The following DNAH14 variants were observed in gnomAD, a reference collection of about 807,000 sequenced individuals.
DNAH14 encodes the protein dynein axonemal heavy chain 14.
Under a neutral mutation model 520.9 loss-of-function variants are expected in DNAH14, and 478 were observed. The observed-to-expected ratio is 0.92, with a 90% CI of 0.85 to 0.99. The LOEUF (loss-of-function observed/expected upper bound fraction) is 0.99, where lower values mean the gene tolerates loss of function less well. Ranked by LOEUF, DNAH14 falls within the 50% of genes least tolerant of loss-of-function variation. DNAH14 has a pLI of 0.00. For synonymous variants in DNAH14, 1,581 were observed against 1,757.2 expected (o/e 0.90, Z 2.51); for missense variants, 4,831 against 5,234.5 (o/e 0.92, Z 2.38).
Position 225,300,704 on chromosome 1 carries a change from C to CA in DNAH14, c.8470-156dup, listed in dbSNP as rs34776853. Among the ~76,000 whole-genome samples the CA allele has an allele frequency of 2.6e-4, 35 of 136,208 alleles. 1 individual carries two copies. The highest frequency in any genetic ancestry group is 7.2e-4 in the African/African-American group (26 of 36,350). 89.4% of individuals were successfully genotyped at this position (136,208 alleles called of 152,430 possible). On this transcript the variant is annotated intron_variant, in intron 55 of 85. Coordinates refer to ENST00000682510, the MANE Select transcript of DNAH14 (RefSeq NM_001367479.1). ...TGGGCAACAGGGTGAGACTTTGTCT[C>CA]AAAAAAAAAGGTGGGGGGTGGGGGA... is the stretch of plus-strand genomic sequence containing the variant.
rs754272087 is a variant in DNAH14, at chr1:224,955,007, G to A, written c.126G>A (p.Glu42=). ...AATATGAAGATGTGAAACCATTAGA[G>A]ACTCAACCAGCTGAAATAGCAGAAA... ...EKKYEDVKPL[E]TQPAEIAEKE... is the part of the protein sequence containing the mutation. The change falls in exon 3 of 86, where the codon GAG becomes GAA. Residue 42 remains glutamate, a synonymous_variant. Coordinates refer to ENST00000682510, the MANE Select transcript of DNAH14 (RefSeq NM_001367479.1). 189 of 1,609,518 alleles carry A rather than the reference G, an allele frequency of 1.2e-4. No individual in the cohort carries two copies. The highest frequency in any genetic ancestry group is 1.6e-4 in the Non-Finnish European group (185 of 1,176,574).
intron 43 of DNAH14, among the ~76,000 whole-genome samples, chr1:225,242,313 A>T (rs946748620): frequency 6.6e-6 from 1 of 152,038 alleles, no homozygotes; most frequent in African/African-American, 2.4e-5. Flanking sequence ...AATTTTTTTC[A>T]CTTTTGACTC....
chr1:225,049,004 T>G (rs936320447), intron 15 of DNAH14, among the ~76,000 whole-genome samples: 6 of 151,618 alleles, frequency 4.0e-5, no homozygotes, highest in Admixed American at 3.9e-4. Flanking sequence ...GTTTTCCATC[T>G]GCATATCTTA....
At chr1:225,281,909 TAAC>T (rs1401079447) in intron 54 of DNAH14, among the ~76,000 whole-genome samples, 2 of 152,166 alleles carry the variant, frequency 1.3e-5, no homozygotes, top group South Asian at 2.1e-4. Flanking sequence ...TAATGATAGT[TAAC>T]AACACTGTAT....
At chr1:225,151,148 G>C (rs1051126089) in intron 31 of DNAH14, among the ~76,000 whole-genome samples, 1 of 152,088 alleles carries the variant, frequency 6.6e-6, no homozygotes, top group African/African-American at 2.4e-5. Context: ...AGCAATAAAA[G>C]CAAAAATTTT....
intron 34 of DNAH14, among the ~76,000 whole-genome samples, chr1:225,157,536 C>A (rs936107954): frequency 2.0e-5 from 3 of 152,064 alleles, no homozygotes; most frequent in African/African-American, 7.2e-5. Context: ...TGAAGTGTTA[C>A]CTTTGTCCAA....
chr1:224,985,508 G>T (rs1033235238), intron 8 of DNAH14, among the ~76,000 whole-genome samples: 1 of 152,066 alleles, frequency 6.6e-6, no homozygotes, highest in Non-Finnish European at 1.5e-5. Flanking sequence ...AACAAATATG[G>T]TGCAGTGTAT....
chr1:225,212,423 T>G (rs1407883054), intron 41 of DNAH14, among the ~76,000 whole-genome samples: 1 of 152,142 alleles, frequency 6.6e-6, no homozygotes, highest in Non-Finnish European at 1.5e-5. Context: ...ATATACCCAG[T>G]AATGGGATGG....
At chr1:225,053,049 G>A (rs1372527951) in intron 17 of DNAH14, among the ~76,000 whole-genome samples, 1 of 152,050 alleles carries the variant, frequency 6.6e-6, no homozygotes, top group Non-Finnish European at 1.5e-5. Context: ...CCACTTTTAA[G>A]GATATTTCCC....
chr1:224,981,211 C>A (rs747578617), intron 8 of DNAH14, among the ~76,000 whole-genome samples: 19 of 152,244 alleles, frequency 1.2e-4, no homozygotes, highest in Non-Finnish European at 2.5e-4. Flanking sequence ...AAGATTCTAG[C>A]ATCTCTGTTC....
intron 43 of DNAH14, among the ~76,000 whole-genome samples, chr1:225,250,903 T>C (rs943887701): frequency 4.6e-5 from 7 of 152,104 alleles, no homozygotes; most frequent in African/African-American, 1.4e-4. Context: ...AGGGAGATGC[T>C]TGGAAGTGTG....
At chr1:225,144,257 C>T in intron 28 of DNAH14, 140 bp from the exon 29 acceptor site, 1 of 663,650 alleles carries the variant, frequency 1.5e-6, no homozygotes, top group South Asian at 2.0e-5. Context: ...TATCACACTT[C>T]TCATTTGATT....
chr1:225,363,994 A>G (rs967709960), intron 75 of DNAH14, among the ~76,000 whole-genome samples: 14 of 152,214 alleles, frequency 9.2e-5, no homozygotes, highest in Non-Finnish European at 2.9e-5. Flanking sequence ...ACCTATGGAT[A>G]TAGAGGGCTG....
chr1:225,266,068 C>T (rs2093105125), intron 48 of DNAH14, among the ~76,000 whole-genome samples: 1 of 151,996 alleles, frequency 6.6e-6, no homozygotes, highest in African/African-American at 2.4e-5. Flanking sequence ...ACAATCAGTA[C>T]ACTTCAATGC....
intron 31 of DNAH14, among the ~76,000 whole-genome samples, chr1:225,147,872 G>A (rs1223850288): frequency 6.6e-6 from 1 of 152,154 alleles, no homozygotes; most frequent in Non-Finnish European, 1.5e-5. Context: ...CCACATACAA[G>A]TGAGAACATG....
chr1:225,118,150 T>C, intron 25 of DNAH14, 151 bp downstream of exon 25: 1 of 720,000 alleles, frequency 1.4e-6, no homozygotes, highest in Non-Finnish European at 2.5e-6. Context: ...TGCCTTTCCA[T>C]ATTCCCTACA....
At chr1:225,387,744 G>A (rs1435003110) in intron 81 of DNAH14, among the ~76,000 whole-genome samples, 6 of 152,098 alleles carry the variant, frequency 3.9e-5, no homozygotes, top group Admixed American at 2.6e-4. Context: ...ATAGAAGGTC[G>A]CTTGTGATTT....
At chr1:225,168,690 G>GGCCT (rs900897737) in intron 36 of DNAH14, among the ~76,000 whole-genome samples, 4 of 152,208 alleles carry the variant, frequency 2.6e-5, no homozygotes, top group African/African-American at 9.6e-5. Flanking sequence ...AGCTCAAGGA[G>GGCCT]GCCTGCCTGC....
intron 8 of DNAH14, among the ~76,000 whole-genome samples, chr1:224,992,481 AT>A (rs1211628255): frequency 2.2e-4 from 33 of 152,068 alleles, no homozygotes; most frequent in African/African-American, 7.5e-4. Context: ...TTGTGTGGCT[AT>A]TTAAATGCAG....
Sources: allele counts gnomAD v4.1 joint callset (sites outside exome capture counted in the v4.1 genomes callset), GRCh38; gene constraint gnomAD v4.1.1; transcripts MANE v1.5; gene names NCBI Gene and HGNC (gene_info 2026-07-23, HGNC 2026-07-21).